Variants in TENM2 observed in about 807,000 individuals in gnomAD.
TENM2 encodes teneurin transmembrane protein 2.
Under a neutral mutation model 245.2 loss-of-function variants are expected in TENM2, and 52 were observed. That is an observed-to-expected ratio of 0.21 (90% CI 0.17 to 0.27). TENM2 has a LOEUF of 0.27. Among genes scored for constraint, TENM2 ranks in the 10% least tolerant of loss-of-function variants. The pLI is 1.00. For synonymous variants in TENM2, 1,363 were observed against 1,438.9 expected, an observed-to-expected ratio of 0.95 and a Z score of 1.19; for missense variants, 3,046 against 3,666.8, an observed-to-expected ratio of 0.83 and a Z score of 4.37.
At chr5:167,017,863 C>T in the TENM2 span, among the ~76,000 whole-genome samples, 1 of 152,108 alleles carries the variant, frequency 6.6e-6, no homozygotes, top group Non-Finnish European at 1.5e-5. Flanking sequence ...GTTAAATTAA[C>T]ATTACCGTTG....
At chr5:167,686,231 A>C (rs915496012) in intron 2 of TENM2, among the ~76,000 whole-genome samples, 4 of 152,232 alleles carry the variant, frequency 2.6e-5, no homozygotes, top group African/African-American at 9.6e-5. Flanking sequence ...TGCTTAAAGC[A>C]ATGCAGATTC....
intron 3 of TENM2, chr5:167,938,543 A>G (rs999485750): frequency 6.6e-6 from 1 of 152,228 alleles, no homozygotes; most frequent in Non-Finnish European, 1.5e-5. Context: ...TCAGCATAGG[A>G]CATGTCTCTT....
chr5:167,800,259 T>C (rs1213028258), intron 2 of TENM2, among the ~76,000 whole-genome samples: 1 of 152,174 alleles, frequency 6.6e-6, no homozygotes, highest in East Asian at 1.9e-4. Flanking sequence ...AGTCTTGAGT[T>C]GGGTTTTATT....
the TENM2 span, among the ~76,000 whole-genome samples, chr5:167,112,463 G>A: frequency 6.6e-6 from 1 of 152,144 alleles, no homozygotes; most frequent in Non-Finnish European, 1.5e-5. Context: ...TGAAATGTAG[G>A]CTAGATACAG....
At chr5:168,118,585 A>G in intron 10 of TENM2, 99 bp downstream of exon 12, 9 of 951,782 alleles carry the variant, frequency 9.5e-6, no homozygotes, top group Non-Finnish European at 1.3e-5. Flanking sequence ...GTGTTTTGCA[A>G]GAGAAGTTTC....
the TENM2 span, among the ~76,000 whole-genome samples, chr5:167,258,242 T>C: frequency 3.2e-3 from 467 of 147,444 alleles, 1 homozygote; most frequent in South Asian, 0.011. Context: ...TATATATATA[T>C]GTATATATAT....
chr5:168,059,373 C>T (rs2152085056), intron 6 of TENM2, among the ~76,000 whole-genome samples: 1 of 152,280 alleles, frequency 6.6e-6, no homozygotes, highest in East Asian at 1.9e-4. Flanking sequence ...TTTTTCATAT[C>T]CTGTCATTAA....
chr5:167,145,267 A>G, the TENM2 span, among the ~76,000 whole-genome samples: 1 of 152,220 alleles, frequency 6.6e-6, no homozygotes, highest in Non-Finnish European at 1.5e-5. Context: ...CGCAGAGTAT[A>G]TGCTTTGGAG....
chr5:168,006,987 G>T (rs1400682736), intron 5 of TENM2, among the ~76,000 whole-genome samples: 1 of 152,096 alleles, frequency 6.6e-6, no homozygotes, highest in Admixed American at 6.5e-5. Context: ...ACTCACCTCT[G>T]CTCATCAACA....
intron 2 of TENM2, among the ~76,000 whole-genome samples, chr5:167,742,917 A>G (rs1202629790): frequency 1.3e-5 from 2 of 152,036 alleles, no homozygotes; most frequent in African/African-American, 2.4e-5. Flanking sequence ...GCAGTGAGCT[A>G]TGATCATGCC....
the TENM2 span, among the ~76,000 whole-genome samples, chr5:166,998,238 G>C: frequency 1.1e-4 from 16 of 152,280 alleles, no homozygotes; most frequent in African/African-American, 3.8e-4. Context: ...GAGGAAGCGA[G>C]TCCATGATAA....
the TENM2 span, among the ~76,000 whole-genome samples, chr5:167,024,575 CAG>C: frequency 6.6e-6 from 1 of 152,010 alleles, no homozygotes; most frequent in African/African-American, 2.4e-5. Context: ...GGTTGGGAGA[CAG>C]GGGTAGCAGA....
At chr5:167,890,595 C>T (rs2151458656) in intron 3 of TENM2, among the ~76,000 whole-genome samples, 1 of 152,272 alleles carries the variant, frequency 6.6e-6, no homozygotes, top group South Asian at 2.1e-4. Context: ...TTCTATCCTT[C>T]CTGAAATAAT....
intron 6 of TENM2, among the ~76,000 whole-genome samples, chr5:168,047,897 G>A (rs1788751344): frequency 6.6e-6 from 1 of 152,200 alleles, no homozygotes; most frequent in Non-Finnish European, 1.5e-5. Flanking sequence ...AGCAGCAGCA[G>A]CAGCAGCAGC....
At chr5:167,213,044 G>A in the TENM2 span, among the ~76,000 whole-genome samples, 1 of 152,198 alleles carries the variant, frequency 6.6e-6, no homozygotes, top group African/African-American at 2.4e-5. Flanking sequence ...CAGTTTTAAA[G>A]TTAGCAGACC....
At chr5:167,492,454 G>T (rs751959518) in intron 2 of TENM2, among the ~76,000 whole-genome samples, 3 of 152,052 alleles carry the variant, frequency 2.0e-5, no homozygotes, top group Non-Finnish European at 1.5e-5. Flanking sequence ...GACTTTCCAC[G>T]AAGAATCAAT....
At chr5:167,887,574 C>T (rs1222999604) in intron 3 of TENM2, among the ~76,000 whole-genome samples, 1 of 152,338 alleles carries the variant, frequency 6.6e-6, no homozygotes, top group South Asian at 2.1e-4. Context: ...GTCTAACCTG[C>T]GTCTTCCTTG....
chr5:168,062,329 A>G (rs1237214918), intron 7 of TENM2, 64 bp downstream of exon 9: 16 of 1,300,650 alleles, frequency 1.2e-5, no homozygotes, highest in Middle Eastern at 1.9e-4. Flanking sequence ...GTGTGTGTGT[A>G]TATATGCCAC....
chr5:167,444,980 A>G (rs1554153969), intron 2 of TENM2, among the ~76,000 whole-genome samples: 1 of 152,146 alleles, frequency 6.6e-6, no homozygotes, highest in Non-Finnish European at 1.5e-5. Context: ...AAGAATAAGT[A>G]CAATAATGTT....
Sources: allele counts gnomAD v4.1 joint callset (sites outside exome capture counted in the v4.1 genomes callset), GRCh38; gene constraint gnomAD v4.1.1; transcripts MANE v1.5; gene names NCBI Gene and HGNC (gene_info 2026-07-23, HGNC 2026-07-21).